Variants in ZNF687 observed in about 807,000 individuals in gnomAD.
The protein encoded by ZNF687 is zinc finger protein 687.
A neutral mutation model predicts 71.8 loss-of-function variants in ZNF687; 13 were observed. The ratio of observed to expected loss-of-function variants is 0.18; its 90% CI spans 0.12 to 0.29. ZNF687 has a LOEUF of 0.29. ZNF687 is among the 10% of genes least tolerant of loss of function. The pLI, the probability that ZNF687 is intolerant of heterozygous loss-of-function variation, is 1.00. For synonymous variants in ZNF687, 673 were observed against 641.6 expected (o/e 1.05, Z -0.74); for missense variants, 1,412 against 1,625.6 (o/e 0.87, Z 2.26).
At position 151,291,704 on chromosome 1, in the gene ZNF687, C is replaced by T. The variant is rs1238937374; in HGVS notation, c.*495C>T. 1 of 150,346 alleles carries T rather than the reference C, an allele frequency of 6.7e-6. No individual in the cohort carries two copies. The highest frequency in any genetic ancestry group is 1.5e-5 in the Non-Finnish European group (1 of 67,808). 9.3% of individuals were successfully genotyped at this position (150,346 alleles called of 1,614,324 possible). On this transcript the variant is annotated 3_prime_UTR_variant, in exon 9 of 9. Coordinates refer to ENST00000336715, the MANE Select transcript of ZNF687 (RefSeq NM_020832.3). ...ACTCAAGCCCCCTACCCCTGCAGTG[C>T]CTTTCACTTCTTTTTTTCCCCAGAA...
chr1:151,281,569 C>T (rs1447735447), upstream of ZNF687: 6 of 471,112 alleles, frequency 1.3e-5, no homozygotes, highest in Admixed American at 2.3e-5. Flanking sequence ...CTTCCATGCT[C>T]CAAATCCCGT....
At chr1:151,282,160 G>A, upstream of ZNF687, 1 of 1,167,922 alleles carries the variant, frequency 8.6e-7, no homozygotes, top group African/African-American at 1.6e-5. Context: ...CAGTATTTAG[G>A]GCCAACCCAG....
At chr1:151,282,440 T>TGGG in intron 1 of ZNF687, 45 bp downstream of exon 1, 1 of 978,162 alleles carries the variant, frequency 1.0e-6, no homozygotes, top group Non-Finnish European at 1.2e-6. Flanking sequence ...TCCGCCCCCT[T>TGGG]GGGGGGGGCG....
In ZNF687 at chr1:151,290,245, C is replaced by T. The variant is rs760016388; in HGVS notation, c.3077+11C>T. On this transcript the variant is annotated intron_variant, in intron 7 of 8. Coordinates refer to ENST00000336715, the MANE Select transcript of ZNF687 (RefSeq NM_020832.3). ...AGTTTACCCCTGCAGGTAAGTCTTGCTCCCCGCTTCCTCTTCCTGCCCAGC... is the reference window on the plus strand; with the variant it reads ...AGTTTACCCCTGCAGGTAAGTCTTGTTCCCCGCTTCCTCTTCCTGCCCAGC... The T allele has an allele frequency of 1.9e-6, 3 of 1,613,530 alleles. No individual in the cohort carries two copies. The highest frequency in any genetic ancestry group is 2.5e-6 in the Non-Finnish European group (3 of 1,179,678).
rs1268698792 is a variant in ZNF687 at position 151,289,934 on chromosome 1, C to T, written c.2891C>T (p.Thr964Ile). 4.5e-6 allele frequency: 7 copies of T among 1,561,928 alleles called. No homozygotes were observed. Among genetic ancestry groups the T allele is most frequent in the Non-Finnish European group, 2.6e-6 (3 of 1,151,052 alleles). ...GGGGGTGGGGGGCCTGGAGGCTGGA[C>T]CTGTGGCCTGTGTCACTCCTGGTTC... ...KGGGGGPGGW[T>I]CGLCHSWFPE... The change falls in exon 6 of 9, where the codon ACC (threonine) becomes ATC (isoleucine). Residue 964 changes from threonine to isoleucine, a missense_variant. This residue lies in a region of ZNF687 where 135 missense variants were observed against 104.1 expected (regional missense o/e 1.30). Transcript: ENST00000336715.
intron 5 of ZNF687, 50 bp from the exon 6 acceptor site, chr1:151,289,628 A>G (rs990449500): frequency 1.9e-6 from 3 of 1,602,120 alleles, no homozygotes; most frequent in Admixed American, 3.4e-5. Context: ...GGGCTTTGGC[A>G]TAGCCAGGCC....
At position 151,290,713 on chromosome 1, in the gene ZNF687, A is replaced by G. The variant is rs1311598822; in HGVS notation, c.3220-2A>G. ...GGCCCAGTTTCTTCCACTTTTCTTC[A>G]GGGGCCAGGTCGGAAACGCCGCCAG... On this transcript the variant is annotated splice_acceptor_variant, in intron 8 of 8. Coordinates refer to ENST00000336715, the MANE Select transcript of ZNF687 (RefSeq NM_020832.3). LOFTEE classifies it high-confidence loss of function. The G allele has an allele frequency of 6.3e-7, 1 of 1,594,168 alleles. No individual in the cohort carries two copies. The highest frequency in any genetic ancestry group is 2.2e-5 in the East Asian group (1 of 44,648).
chr1:151,288,800 A>C, intron 3 of ZNF687, 94 bp downstream of exon 3: 1 of 1,386,406 alleles, frequency 7.2e-7, no homozygotes, highest in Non-Finnish European at 9.9e-7. Flanking sequence ...CTTCCCTGCT[A>C]TATCCCTCAG....
At position 151,289,827 on chromosome 1, in the gene ZNF687, G is replaced by C; in HGVS notation, c.2784G>C (p.Glu928Asp). The C allele has an allele frequency of 1.3e-6, 2 of 1,569,664 alleles. No individual in the cohort carries two copies. Among genetic ancestry groups the C allele is most frequent in the Non-Finnish European group, 1.7e-6 (2 of 1,156,774 alleles). The change falls in exon 6 of 9, where the codon GAG becomes GAC. Residue 928 changes from glutamate (E) to aspartate (D), a missense_variant. Glu to Asp is a conservative substitution (Grantham distance 45, BLOSUM62 2). Around this residue, in one of 8 missense-constraint regions of ZNF687, gnomAD observed 135 missense variants for 104.1 expected, o/e 1.30. Transcript: ENST00000336715. Reference protein sequence around the residue: ...ATEESSSSSEEEEVPSSPEPP... With the variant: ...ATEESSSSSEDEEVPSSPEPP... ...AGGAGTCGTCTTCATCTTCAGAAGA[G>C]GAGGAAGTACCCAGCTCCCCTGAGC...
Position 151,290,467 on chromosome 1 carries a change from G to C in ZNF687, c.3113G>C (p.Arg1038Pro). 1 of 1,613,910 alleles carries C rather than the reference G, an allele frequency of 6.2e-7. No individual in the cohort carries two copies. The highest frequency in any genetic ancestry group is 8.5e-7 in the Non-Finnish European group (1 of 1,180,010). Residue 1038 changes from arginine (R) to proline (P), a missense_variant, in exon 8 of 9, where the codon CGC (arginine) becomes CCC (proline). This residue lies in a region of ZNF687 where 284 missense variants were observed against 359.2 expected (regional missense o/e 0.79). Transcript: ENST00000336715. ...CTEGKRTFSS[R>P]LILEKHVQVR... ...GAGGGAAAACGCACCTTCAGCAGCC[G>C]CCTGATCCTAGAGAAACATGTCCAG...
In ZNF687 at chr1:151,286,557, C is replaced by G. The variant is rs770348771; in HGVS notation, c.266C>G (p.Thr89Ser). 3.2e-5 allele frequency: 51 copies of G among 1,614,248 alleles called. No individual in the cohort carries two copies. Among genetic ancestry groups the G allele is most frequent in the Non-Finnish European group, 4.2e-5 (49 of 1,180,046 alleles). The change falls in exon 2 of 9, where the codon ACT becomes AGT. Residue 89 changes from threonine to serine, a missense_variant. This residue lies in a region of ZNF687 where 490 missense variants were observed against 489.9 expected (regional missense o/e 1.00). Coordinates refer to ENST00000336715, the MANE Select transcript of ZNF687 (RefSeq NM_020832.3). ...GTAGTCAGTGTCATTGTCAAGAACACTGTGTGTCCCGAGCAGTCTGAGGCC... is the reference window on the plus strand; with the variant it reads ...GTAGTCAGTGTCATTGTCAAGAACAGTGTGTGTCCCGAGCAGTCTGAGGCC... The part of the protein sequence containing the change: ...ISVVSVIVKN[T>S]VCPEQSEALA...
chr1:151,290,155 C>T lies in ZNF687; in HGVS notation c.2998C>T (p.Arg1000Cys), dbSNP rs1694154068. Reference protein sequence around the residue: ...VKKFPCRLCERSFCSAPSLRR... With the variant: ...VKKFPCRLCECSFCSAPSLRR... ...AAAGTTCCCCTGTCGCCTGTGTGAG[C>T]GCTCCTTCTGCTCCGCCCCCAGCCT... The change falls in exon 7 of 9, where the codon CGC becomes TGC. Residue 1000 changes from arginine to cysteine, a missense_variant. Coordinates refer to ENST00000336715, the MANE Select transcript of ZNF687 (RefSeq NM_020832.3). 5 of 1,613,994 alleles carry T rather than the reference C, an allele frequency of 3.1e-6. No individual in the cohort carries two copies. Among genetic ancestry groups the T allele is most frequent in the Non-Finnish European group, 4.2e-6 (5 of 1,180,016 alleles).
At position 151,284,802 on chromosome 1, in the gene ZNF687, C is replaced by CT. The variant is rs869269504; in HGVS notation, c.-17-1446dup. Among the ~76,000 whole-genome samples the CT allele has an allele frequency of 7.8e-3, 442 of 56,436 alleles. 109 individuals are homozygous for CT. The highest frequency in any genetic ancestry group is 0.013 in the African/African-American group (160 of 12,422). 37.0% of individuals were successfully genotyped at this position (56,436 alleles called of 152,430 possible). A position where few individuals can be genotyped will look rare whatever the true frequency, so the allele number is the denominator to read the frequency against. ...ACTTGTGCTCTCTGCCTTGTCTTGT[C>CT]TTTTTTTTTTTTTTTTTTTTTTTTT... is the stretch of plus-strand genomic sequence containing the variant. On this transcript the variant is annotated intron_variant, in intron 1 of 8. Coordinates refer to ENST00000336715, the MANE Select transcript of ZNF687 (RefSeq NM_020832.3).
At chr1:151,283,870 A>G (rs2101860476) in intron 1 of ZNF687, 1 of 985,306 alleles carries the variant, frequency 1.0e-6, no homozygotes, top group African/African-American at 1.7e-5. Context: ...CAGTCTGAAG[A>G]CTGGAGAGAG....
chr1:151,289,054 TG>T, intron 3 of ZNF687, 40 bp from the exon 4 acceptor site: 2 of 1,598,546 alleles, frequency 1.3e-6, no homozygotes, highest in Non-Finnish European at 1.7e-6. Flanking sequence ...GGCATGGAGA[TG>T]CCTCCCACCT....
chr1:151,291,440 C>CCAA lies in ZNF687; in HGVS notation c.*234_*236dup. On this transcript the variant is annotated 3_prime_UTR_variant, in exon 9 of 9. Coordinates refer to ENST00000336715, the MANE Select transcript of ZNF687 (RefSeq NM_020832.3). ...GACCCTCCATTCCTCCTTTCTGAGC[C>CCAA]CAACACTAATTAATTTTATGCTCCT... The CCAA allele has an allele frequency of 1.9e-6, 1 of 520,338 alleles. No individual in the cohort carries two copies. The highest frequency in any genetic ancestry group is 3.3e-6 in the Non-Finnish European group (1 of 298,730). The allele number at this position is 520,338 out of a possible 1,614,324, so 32.2% of individuals were successfully genotyped here. A position where few individuals can be genotyped will look rare whatever the true frequency, so the allele number is the denominator to read the frequency against.
In ZNF687 at chr1:151,288,005, T is replaced by G. The variant is rs754174515; in HGVS notation, c.1714T>G (p.Phe572Val). 34 of 1,613,890 alleles carry G rather than the reference T, an allele frequency of 2.1e-5. No homozygotes were observed. Among genetic ancestry groups the G allele is most frequent in the South Asian group, 3.3e-5 (3 of 91,090 alleles). The stretch of plus-strand genomic sequence containing the variant: ...CAACCACTGCGCCCGCCGCCTGGTC[T>G]TCTTCAACAAGTGCAGCCTGCTCCT... ...TCNHCARRLV[F>V]FNKCSLLLHA... The change falls in exon 2 of 9, where the codon TTC becomes GTC. Residue 572 changes from phenylalanine (F) to valine (V), a missense_variant. Coordinates refer to ENST00000336715, the MANE Select transcript of ZNF687 (RefSeq NM_020832.3).
rs745983149 is a variant in ZNF687 at position 151,290,791 on chromosome 1, C to G, written c.3296C>G (p.Ser1099Cys). ...GACAGCACGACACCGCCAGCCAAGT[C>G]CCCCAGGGGCGGACCTGGATCTGGA... ...EPDSTTPPAK[S>C]PRGGPGSGGH... is the part of the protein sequence containing the mutation. Residue 1099 changes from serine (S) to cysteine (C), a missense_variant, in exon 9 of 9, where the codon TCC (serine) becomes TGC (cysteine). Ser to Cys is a moderately radical substitution (Grantham distance 112). Around this residue, in one of 8 missense-constraint regions of ZNF687, gnomAD observed 284 missense variants for 359.2 expected, o/e 0.79. Transcript: ENST00000336715. 6.2e-7 allele frequency: 1 copy of G among 1,613,764 alleles called. No homozygotes were observed. The highest frequency in any genetic ancestry group is 1.1e-5 in the South Asian group (1 of 91,066).
Position 151,290,983 on chromosome 1 carries a change from G to A in ZNF687, c.3488G>A (p.Gly1163Asp), listed in dbSNP as rs776433574. 2 of 1,614,024 alleles carry A rather than the reference G, an allele frequency of 1.2e-6. No individual in the cohort carries two copies. Among genetic ancestry groups the A allele is most frequent in the South Asian group, 1.1e-5 (1 of 91,088 alleles). Reference sequence around the variant, plus strand: ...TTCATCAGCCACAAGAAGAGACGGGGTGTGGGTAAAGCCAGTGCCCTGGGG... The same window carrying A: ...TTCATCAGCCACAAGAAGAGACGGGATGTGGGTAAAGCCAGTGCCCTGGGG... ...HRFISHKKRR[G>D]VGKASALGLG... is the part of the protein sequence containing the mutation. Residue 1163 changes from glycine to aspartate, a missense_variant, in exon 9 of 9, where the codon GGT becomes GAT. Gly to Asp is a moderately conservative substitution (Grantham distance 94). This residue lies in a region of ZNF687 where 284 missense variants were observed against 359.2 expected (regional missense o/e 0.79). Transcript: ENST00000336715.
Sources: gnomAD v4.1 joint callset for allele counts (sites outside exome capture counted in the v4.1 genomes callset) on GRCh38, gnomAD v4.1.1 for gene constraint, gnomAD v4.1.1 regional missense constraint, MANE v1.5 for transcripts, NCBI Gene and HGNC (gene_info 2026-07-23, HGNC 2026-07-21) for gene names.